The following APBA2 variants were observed in gnomAD, a reference collection of about 807,000 sequenced individuals.
The protein encoded by APBA2 is amyloid-beta A4 precursor protein-binding family A member 2.
In APBA2, 30 loss-of-function variants were observed where a neutral mutation model predicts 75.0. The observed-to-expected ratio is 0.40, with a 90% CI of 0.30 to 0.54. The LOEUF is 0.54. Ranked by LOEUF, APBA2 falls within the 20% of genes least tolerant of loss-of-function variation. The pLI is 0.49. For missense variants in APBA2, 801 were observed against 1,016.1 expected, an observed-to-expected ratio of 0.79 and a Z score of 2.88; for synonymous variants, 444 against 409.6, an observed-to-expected ratio of 1.08 and a Z score of -1.01.
At chr15:29,006,369 C>T (rs1407331173) in intron 3 of APBA2, among the ~76,000 whole-genome samples, 3 of 152,112 alleles carry the variant, frequency 2.0e-5, no homozygotes, top group Non-Finnish European at 4.4e-5. Context: ...AAATTGTACA[C>T]AGAAAACTAC....
At chr15:28,956,301 C>A (rs1350937103) in intron 2 of APBA2, among the ~76,000 whole-genome samples, 1 of 151,886 alleles carries the variant, frequency 6.6e-6, no homozygotes. Flanking sequence ...CCATGGACCC[C>A]ATGGGTGGGC....
intron 4 of APBA2, among the ~76,000 whole-genome samples, chr15:29,055,354 A>G (rs1005456262): frequency 6.6e-6 from 1 of 152,238 alleles, no homozygotes; most frequent in African/African-American, 2.4e-5. Flanking sequence ...CTGATGGGCA[A>G]TCAGCTGTGA....
At chr15:29,060,207 G>T (rs181645251) in intron 4 of APBA2, among the ~76,000 whole-genome samples, 3 of 152,160 alleles carry the variant, frequency 2.0e-5, no homozygotes, top group African/African-American at 7.2e-5. Context: ...CGTGGGTGCC[G>T]GTGGAGGTGG....
At position 28,899,572 on chromosome 15, in the gene APBA2, C is replaced by T. The variant is rs557784045; in HGVS notation, c.-205+13294C>T. Among the ~76,000 whole-genome samples the T allele has an allele frequency of 6.3e-4, 96 of 152,294 alleles. 3 individuals are homozygous for T. The highest frequency in any genetic ancestry group is 4.6e-4 in the African/African-American group (19 of 41,562). On this transcript the variant is annotated intron_variant, in intron 1 of 14. Coordinates refer to ENST00000683413, the MANE Select transcript of APBA2 (RefSeq NM_001353788.2). ...GGAGGCTTCCGTATGCTCAGGGCGT[C>T]GTGTGTGCCCGGCCTTGCTCTGCAC...
intron 2 of APBA2, among the ~76,000 whole-genome samples, chr15:28,974,626 A>C (rs1343809289): frequency 6.6e-6 from 1 of 152,250 alleles, no homozygotes; most frequent in Non-Finnish European, 1.5e-5. Flanking sequence ...ATTAATCATA[A>C]GATTAAAAAC....
At chr15:29,022,081 G>A (rs1317643772) in intron 3 of APBA2, among the ~76,000 whole-genome samples, 1 of 152,176 alleles carries the variant, frequency 6.6e-6, no homozygotes, top group Non-Finnish European at 1.5e-5. Context: ...TGGGTATTGT[G>A]AATAATGCCG....
intron 3 of APBA2, among the ~76,000 whole-genome samples, chr15:29,001,550 T>A (rs558413816): frequency 4.3e-4 from 65 of 152,240 alleles, no homozygotes; most frequent in African/African-American, 1.5e-3. Flanking sequence ...ATCTGCAAAG[T>A]GGAGACTCAT....
intron 3 of APBA2, among the ~76,000 whole-genome samples, chr15:29,049,137 C>CACTT (rs2041480037): frequency 6.6e-6 from 1 of 152,104 alleles, no homozygotes; most frequent in Non-Finnish European, 1.5e-5. Context: ...GTGGTGCCCA[C>CACTT]ACTTTGCTGT....
chr15:29,017,654 C>T (rs1006392279), intron 3 of APBA2, among the ~76,000 whole-genome samples: 1 of 152,018 alleles, frequency 6.6e-6, no homozygotes, highest in Non-Finnish European at 1.5e-5. Context: ...TACAGGCATG[C>T]GCCAATGTGC....
intron 1 of APBA2, among the ~76,000 whole-genome samples, chr15:28,900,404 C>G (rs541110923): frequency 3.9e-4 from 59 of 152,352 alleles, no homozygotes; most frequent in African/African-American, 1.4e-3. Context: ...ATGACAGAGA[C>G]CAGCATCTAC....
chr15:29,030,179 A>T (rs897071705), intron 3 of APBA2, among the ~76,000 whole-genome samples: 2 of 152,082 alleles, frequency 1.3e-5, no homozygotes, highest in Non-Finnish European at 2.9e-5. Flanking sequence ...GAGAAACATG[A>T]CCGGGCCCGG....
rs141455760 is a variant in APBA2, at chr15:29,005,069, T to A, written c.-41+9263T>A. On this transcript the variant is annotated intron_variant, in intron 3 of 14. Coordinates refer to ENST00000683413, the MANE Select transcript of APBA2 (RefSeq NM_001353788.2). ...TCTAACAACCCCCCAGGTGGTGCAG[T>A]TGCTTCTGGTCCTCAGGCCACATCT... Among the ~76,000 whole-genome samples, 525 of 152,280 alleles carry A rather than the reference T, an allele frequency of 3.4e-3. 1 individual carries two copies. The highest frequency in any genetic ancestry group is 0.012 in the African/African-American group (502 of 41,568).
chr15:28,909,594 G>C (rs1451870375), intron 1 of APBA2, among the ~76,000 whole-genome samples: 1 of 152,176 alleles, frequency 6.6e-6, no homozygotes, highest in African/African-American at 2.4e-5. Flanking sequence ...TGTGAGGGTT[G>C]GGTGGACAGG....
In APBA2 at chr15:29,050,775, A is replaced by G. The variant is rs182961733; in HGVS notation, c.-40-3070A>G. ...TACAGATTTTATCCCCCCGAATGAC[A>G]GAGATTTTGAAGTTAAGATAGCAAG... On this transcript the variant is annotated intron_variant, in intron 3 of 14. Coordinates refer to ENST00000683413, the MANE Select transcript of APBA2 (RefSeq NM_001353788.2). Among the ~76,000 whole-genome samples, 263 of 152,310 alleles carry G rather than the reference A, an allele frequency of 1.7e-3. 2 individuals carry two copies. The highest frequency in any genetic ancestry group is 6.0e-3 in the African/African-American group (251 of 41,578).
chr15:28,898,661 T>C (rs2032658115), intron 1 of APBA2, among the ~76,000 whole-genome samples: 1 of 152,230 alleles, frequency 6.6e-6, no homozygotes, highest in Admixed American at 6.5e-5. Context: ...AGGTTCCATT[T>C]ATGCTATGGA....
intron 8 of APBA2, 28 bp downstream of exon 8, chr15:29,094,341 A>G (rs2043739283): frequency 6.2e-7 from 1 of 1,612,068 alleles, no homozygotes; most frequent in African/African-American, 1.3e-5. Context: ...GCCCTGGGAC[A>G]GTGTTGTTTG....
At chr15:28,911,670 G>A (rs1379854675) in intron 1 of APBA2, among the ~76,000 whole-genome samples, 2 of 152,188 alleles carry the variant, frequency 1.3e-5, no homozygotes, top group African/African-American at 4.8e-5. Context: ...ACAAAAGGTA[G>A]TTGCTGCCAT....
At position 29,117,473 on chromosome 15, in the gene APBA2, C is replaced by G. The variant is rs960835956; in HGVS notation, c.*340C>G. 2 of 353,174 alleles carry G rather than the reference C, an allele frequency of 5.7e-6. No homozygotes were observed. Among genetic ancestry groups the G allele is most frequent in the Admixed American group, 8.7e-5 (2 of 23,010 alleles). The allele number at this position is 353,174 out of a possible 1,614,324, so 21.9% of individuals were successfully genotyped here. ...CTTTCCTCCCTGAAGCTGTGCGGAG[C>G]GAACTGGCGCCTCCGAGGGACGCGG... is the stretch of plus-strand genomic sequence containing the variant. On this transcript the variant is annotated 3_prime_UTR_variant, in exon 15 of 15. Coordinates refer to ENST00000683413, the MANE Select transcript of APBA2 (RefSeq NM_001353788.2).
rs1406398204 is a variant in APBA2 at position 29,117,379 on chromosome 15, T to TCTGGA, written c.*250_*254dup. 2 of 573,448 alleles carry TCTGGA rather than the reference T, an allele frequency of 3.5e-6. No homozygotes were observed. Among genetic ancestry groups the TCTGGA allele is most frequent in the East Asian group, 2.9e-5 (1 of 34,102 alleles). 35.5% of individuals were successfully genotyped at this position (573,448 alleles called of 1,614,324 possible). The stretch of plus-strand genomic sequence containing the variant: ...AAGCGTTCCAAGTATTTTGCCACGT[T>TCTGGA]CTGGACTGTCTTCTCCCTGCACAAG... On this transcript the variant is annotated 3_prime_UTR_variant, in exon 15 of 15. Transcript: ENST00000683413.
Sources: allele counts gnomAD v4.1 joint callset (sites outside exome capture counted in the v4.1 genomes callset), GRCh38; gene constraint gnomAD v4.1.1; transcripts MANE v1.5; gene names NCBI Gene and HGNC (gene_info 2026-07-23, HGNC 2026-07-21).